The following HSPG2 variants were observed in gnomAD, a reference collection of about 807,000 sequenced individuals.
HSPG2 encodes the protein basement membrane-specific heparan sulfate proteoglycan core protein.
A neutral mutation model predicts 526.6 loss-of-function variants in HSPG2; 278 were observed. The observed-to-expected ratio is 0.53, with a 90% CI of 0.48 to 0.58. HSPG2 has a LOEUF of 0.58. Ranked by LOEUF, HSPG2 falls within the 20% of genes least tolerant of loss-of-function variation. HSPG2 has a pLI of 0.00. For missense variants in HSPG2, 5,354 were observed against 6,099.5 expected, an observed-to-expected ratio of 0.88 and a Z score of 4.07; for synonymous variants, 2,465 against 2,555.4, an observed-to-expected ratio of 0.96 and a Z score of 1.07.
rs373335656 is a variant in HSPG2, at chr1:21,833,479, G to C, written c.10966C>G (p.Leu3656Val). The C allele has an allele frequency of 6.2e-7, 1 of 1,614,210 alleles. No individual in the cohort carries two copies. The highest frequency in any genetic ancestry group is 1.1e-5 in the South Asian group (1 of 91,086). The part of the protein sequence containing the change: ...RQGKVKAFAH[L>V]QVPERVVPYF... The stretch of plus-strand genomic sequence containing the variant: ...GGTGGTGTCTTACCTGGCACCTGCA[G>C]GTGGGCAAAGGCTTTGACCTTGCCC... The change falls in exon 79 of 97, where the codon CTG becomes GTG. Residue 3656 changes from leucine (L) to valine (V), a missense_variant. Leu to Val is a conservative substitution (Grantham distance 32, BLOSUM62 1). Transcript: ENST00000374695.
At chr1:21,833,659 T>C in intron 78 of HSPG2, 45 bp from the exon 79 acceptor site, 2 of 1,611,242 alleles carry the variant, frequency 1.2e-6, no homozygotes, top group Non-Finnish European at 1.7e-6. Flanking sequence ...GGCCCACGGC[T>C]CCAGGGGCCC....
At position 21,872,255 on chromosome 1, in the gene HSPG2, A is replaced by C. The variant is rs748022426; in HGVS notation, c.4152T>G (p.Phe1384Leu). 11 of 1,554,062 alleles carry C rather than the reference A, an allele frequency of 7.1e-6. No homozygotes were observed. The South Asian group carries it at 1.3e-4, about 18-fold the overall frequency. The change falls in exon 33 of 97, where the codon TTT (phenylalanine) becomes TTG (leucine). Residue 1384 changes from phenylalanine (F) to leucine (L), a missense_variant. Coordinates refer to ENST00000374695, the MANE Select transcript of HSPG2 (RefSeq NM_005529.7). This position sits in a 1 kb window ranked among gnomAD's most constrained non-coding sequence, Gnocchi z 5.5. ...EPVPEGAQLSFGNFAQLGHES... is the reference protein window; with the variant it reads ...EPVPEGAQLSLGNFAQLGHES... ...CATGGCCGAGTTGGGCAAAGTTGCCAAAAGAGAGCTGGGCACCCTCGGGCA... is the reference window on the plus strand; with the variant it reads ...CATGGCCGAGTTGGGCAAAGTTGCCCAAAGAGAGCTGGGCACCCTCGGGCA...
rs936591603 is a variant in HSPG2, at chr1:21,847,215, C to T, written c.8164+139G>A. ...ATTTGAAATGTTAGAAATGGGGTAGCCGTAGCCACTGAACCCACGCATCTT... is the reference window on the plus strand; with the variant it reads ...ATTTGAAATGTTAGAAATGGGGTAGTCGTAGCCACTGAACCCACGCATCTT... On this transcript the variant is annotated intron_variant, in intron 62 of 96. Coordinates refer to ENST00000374695, the MANE Select transcript of HSPG2 (RefSeq NM_005529.7). This position sits in a 1 kb window ranked among gnomAD's most constrained non-coding sequence, Gnocchi z 4.1. 1.1e-6 allele frequency: 1 copy of T among 877,238 alleles called. No individual in the cohort carries two copies. The highest frequency in any genetic ancestry group is 1.8e-6 in the Non-Finnish European group (1 of 544,694). The allele number at this position is 877,238 out of a possible 1,614,324, so 54.3% of individuals were successfully genotyped here.
Position 21,823,433 on chromosome 1 carries a change from T to A in HSPG2, c.13059A>T (p.Thr4353=). 1 of 1,590,294 alleles carries A rather than the reference T, an allele frequency of 6.3e-7. No homozygotes were observed. Residue 4353 remains threonine (T), a synonymous_variant, in exon 97 of 97, where the codon ACA becomes ACT. Coordinates refer to ENST00000374695, the MANE Select transcript of HSPG2 (RefSeq NM_005529.7). ...GCAGCACCAGGTTCTTGACACAGCCTGTGATGCCTGAGGAGAATCTGCCCC... is the reference window on the plus strand; with the variant it reads ...GCAGCACCAGGTTCTTGACACAGCCAGTGATGCCTGAGGAGAATCTGCCCC... The part of the protein sequence containing the change: ...LTGGRFSSGI[T]GCVKNLVLHS...
Position 21,864,154 on chromosome 1 carries a change from T to A in HSPG2, c.4686A>T (p.Leu1562=). 3.2e-6 allele frequency: 5 copies of A among 1,556,862 alleles called. No homozygotes were observed. The East Asian group carries it at 9.7e-5, about 30-fold the overall frequency. Reference sequence around the variant, plus strand: ...GGTCTGAGTGGCCATTGCATTCACATAGCTCGCAGTGGCCGAGGTAGAGCC... The same window carrying A: ...GGTCTGAGTGGCCATTGCATTCACAAAGCTCGCAGTGGCCGAGGTAGAGCC... The part of the protein sequence containing the change: ...GSGLYLGHCE[L]CECNGHSDLC... Residue 1562 remains leucine (L), a synonymous_variant, in exon 37 of 97, where the codon CTA becomes CTT. Transcript: ENST00000374695. The surrounding 1 kb of genome is among the most constrained non-coding windows in gnomAD (Gnocchi z 4.8).
At chr1:21,868,557 A>C (rs578095116) in intron 33 of HSPG2, among the ~76,000 whole-genome samples, 4 of 152,308 alleles carry the variant, frequency 2.6e-5, no homozygotes, top group Admixed American at 2.6e-4. Flanking sequence ...TTCTTGAATG[A>C]CTGAGTGAAG....
chr1:21,855,930 G>A lies in HSPG2; in HGVS notation c.5576-18C>T, dbSNP rs757122703. On this transcript the variant is annotated intron_variant, in intron 44 of 96. Transcript: ENST00000374695. Reference sequence around the variant, plus strand: ...GCCCGAGGCTGACAAGGGAGGAAAAGGAACATGCACTCAGGGTGGGGAGTG... The same window carrying A: ...GCCCGAGGCTGACAAGGGAGGAAAAAGAACATGCACTCAGGGTGGGGAGTG... The A allele has an allele frequency of 6.2e-7, 1 of 1,605,404 alleles. No individual in the cohort carries two copies. The highest frequency in any genetic ancestry group is 2.2e-5 in the East Asian group (1 of 44,870).
Position 21,851,659 on chromosome 1 carries a change from A to G in HSPG2, c.7045T>C (p.Ser2349Pro), listed in dbSNP as rs762211997. The G allele has an allele frequency of 9.9e-6, 16 of 1,613,954 alleles. No homozygotes were observed. The highest frequency in any genetic ancestry group is 1.4e-5 in the Non-Finnish European group (16 of 1,180,010). The change falls in exon 55 of 97, where the codon TCC becomes CCC. Residue 2349 changes from serine to proline, a missense_variant. Physicochemically the swap from Ser to Pro is moderately conservative, Grantham distance 74. Coordinates refer to ENST00000374695, the MANE Select transcript of HSPG2 (RefSeq NM_005529.7). ...GTCTGCCCTTCCGCCACTTGCGAGGAGGAGGGCTCGATGCGGATGGGCTGG... is the reference window on the plus strand; with the variant it reads ...GTCTGCCCTTCCGCCACTTGCGAGGGGGAGGGCTCGATGCGGATGGGCTGG... ...STQPIRIEPS[S>P]SQVAEGQTLD...
Position 21,887,952 on chromosome 1 carries a change from T to C in HSPG2, c.689A>G (p.Asp230Gly), listed in dbSNP as rs1334070594. Residue 230 changes from aspartate to glycine, a missense_variant, in exon 7 of 97, where the codon GAT becomes GGT. Physicochemically the swap from Asp to Gly is moderately conservative, Grantham distance 94. Coordinates refer to ENST00000374695, the MANE Select transcript of HSPG2 (RefSeq NM_005529.7). This position sits in a 1 kb window ranked among gnomAD's most constrained non-coding sequence, Gnocchi z 5.0. ...CATCCCCTCACCACAATTGAGCTCA[T>C]CAGACATGTCCCTGCAGTCGGGCCG... ...DRRPDCRDMSDELNCEEPVLG... is the reference protein window; with the variant it reads ...DRRPDCRDMSGELNCEEPVLG... The C allele has an allele frequency of 6.2e-7, 1 of 1,613,978 alleles. No homozygotes were observed. Among genetic ancestry groups the C allele is most frequent in the South Asian group, 1.1e-5 (1 of 91,064 alleles).
chr1:21,874,470 C>T lies in HSPG2; in HGVS notation c.3592G>A (p.Ala1198Thr), dbSNP rs557438464. ...CAGTCCTGTGGTGTCCCCCGCTGGGCGTCCCCGTAGTATCCTGGCTGGCAC... is the reference window on the plus strand; with the variant it reads ...CAGTCCTGTGGTGTCCCCCGCTGGGTGTCCCCGTAGTATCCTGGCTGGCAC... ...EQCQPGYYGDAQRGTPQDCQL... is the reference protein window; with the variant it reads ...EQCQPGYYGDTQRGTPQDCQL... Residue 1198 changes from alanine to threonine, a missense_variant, in exon 28 of 97, where the codon GCC (alanine) becomes ACC (threonine). Ala to Thr is a moderately conservative substitution (Grantham distance 58). Coordinates refer to ENST00000374695, the MANE Select transcript of HSPG2 (RefSeq NM_005529.7). 1.9e-5 allele frequency: 30 copies of T among 1,612,294 alleles called. No individual in the cohort carries two copies. In the South Asian group the frequency reaches 2.5e-4, roughly 14 times the overall value.
At chr1:21,863,861 T>A (rs1640019446) in intron 37 of HSPG2, among the ~76,000 whole-genome samples, 1 of 152,120 alleles carries the variant, frequency 6.6e-6, no homozygotes, top group Non-Finnish European at 1.5e-5. Context: ...AAAAATTTTT[T>A]TAAGAAAAAG....
chr1:21,880,100 T>C lies in HSPG2; in HGVS notation c.2343+7A>G, dbSNP rs1416593221. 3.7e-6 allele frequency: 6 copies of C among 1,614,058 alleles called. No homozygotes were observed. The East Asian group carries it at 1.3e-4, about 36-fold the overall frequency. On this transcript the variant is annotated splice_region_variant and intron_variant, in intron 17 of 96. Transcript: ENST00000374695. ...TTAGTGTTCAAGTGTCTGCTGGCACTACTCACCAGGCAGTGGCCATACACA... is the reference window on the plus strand; with the variant it reads ...TTAGTGTTCAAGTGTCTGCTGGCACCACTCACCAGGCAGTGGCCATACACA...
At chr1:21,908,319 T>C in intron 1 of HSPG2, 6 of 985,014 alleles carry the variant, frequency 6.1e-6, no homozygotes, top group Non-Finnish European at 8.1e-6. Flanking sequence ...CTGCTAGCAT[T>C]GTTGTAAACA....
intron 39 of HSPG2, among the ~76,000 whole-genome samples, chr1:21,860,880 C>T (rs1253659107): frequency 6.6e-6 from 1 of 152,176 alleles, no homozygotes; most frequent in African/African-American, 2.4e-5. Context: ...GTCTGTGGGA[C>T]TTACTAGTTG....
chr1:21,855,660 T>C lies in HSPG2; in HGVS notation c.5717A>G (p.Gln1906Arg), dbSNP rs1394321046. ...GTGGATTTGTGCCTTCGCAGGGAGC[T>C]GGCCGCCGGGGCCCCCTGACGAGTA... ...TLEWTGGPGG[Q>R]LPAKAQIHGG... The change falls in exon 46 of 97, where the codon CAG (glutamine) becomes CGG (arginine). Residue 1906 changes from glutamine to arginine, a missense_variant. Transcript: ENST00000374695. The C allele has an allele frequency of 6.3e-7, 1 of 1,574,924 alleles. No homozygotes were observed. The highest frequency in any genetic ancestry group is 8.6e-7 in the Non-Finnish European group (1 of 1,163,222).
At chr1:21,907,798 G>A (rs1643456849) in intron 1 of HSPG2, among the ~76,000 whole-genome samples, 1 of 152,176 alleles carries the variant, frequency 6.6e-6, no homozygotes, top group South Asian at 2.1e-4. Context: ...ACAGGCATGA[G>A]CCACTGTGCC....
At chr1:21,857,406 C>G (rs566580051) in intron 42 of HSPG2, 21 bp from the exon 43 acceptor site, 108 of 1,608,992 alleles carry the variant, frequency 6.7e-5, no homozygotes, top group Admixed American at 1.0e-4. Context: ...GGGAAGCCCC[C>G]CTGTGAGCCG....
At chr1:21,894,182 C>T (rs541195771) in intron 3 of HSPG2, among the ~76,000 whole-genome samples, 5 of 151,858 alleles carry the variant, frequency 3.3e-5, no homozygotes, top group South Asian at 2.1e-4. Context: ...CTATCAGGGA[C>T]GGGTCTTGAC....
In HSPG2 at chr1:21,876,054, G is replaced by T. The variant is rs1029047252; in HGVS notation, c.3004-12C>A. On this transcript the variant is annotated splice_polypyrimidine_tract_variant and intron_variant, in intron 23 of 96. Coordinates refer to ENST00000374695, the MANE Select transcript of HSPG2 (RefSeq NM_005529.7). ...CCATAGGAGGTCACCTGGGACCAGGGTTAGACAGGAGCTTGCGGAGGCCTG... is the reference window on the plus strand; with the variant it reads ...CCATAGGAGGTCACCTGGGACCAGGTTTAGACAGGAGCTTGCGGAGGCCTG... The T allele has an allele frequency of 6.2e-7, 1 of 1,613,716 alleles. No homozygotes were observed. The highest frequency in any genetic ancestry group is 2.2e-5 in the East Asian group (1 of 44,882).
Sources: allele counts gnomAD v4.1 joint callset (sites outside exome capture counted in the v4.1 genomes callset), GRCh38; gene constraint gnomAD v4.1.1; non-coding constraint Gnocchi (gnomAD v3.1); transcripts MANE v1.5; gene names NCBI Gene and HGNC (gene_info 2026-07-23, HGNC 2026-07-21).